ROS1: variants seen among roughly 807,000 people sequenced by gnomAD.
ROS1 encodes the protein proto-oncogene tyrosine-protein kinase ROS.
A neutral mutation model predicts 273.5 loss-of-function variants in ROS1; 263 were observed. The ratio of observed to expected loss-of-function variants is 0.96; its 90% CI spans 0.87 to 1.06. ROS1 has a LOEUF of 1.06. ROS1 is among the 50% of genes least tolerant of loss of function. ROS1 has a pLI of 0.00. For missense variants in ROS1, 2,833 were observed against 2,751.1 expected, an observed-to-expected ratio of 1.03 and a Z score of -0.67; for synonymous variants, 1,008 against 954.1, an observed-to-expected ratio of 1.06 and a Z score of -1.04.
chr6:117,335,868 G>A (rs1777423198), intron 32 of ROS1, among the ~76,000 whole-genome samples: 1 of 151,366 alleles, frequency 6.6e-6, no homozygotes, highest in Admixed American at 6.6e-5. Context: ...GAACTTAGAG[G>A]ACAGGTCAAT....
At chr6:117,406,967 A>G (rs1774456569) in intron 5 of ROS1, among the ~76,000 whole-genome samples, 1 of 152,102 alleles carries the variant, frequency 6.6e-6, no homozygotes, top group Non-Finnish European at 1.5e-5. Flanking sequence ...AAAATACTCC[A>G]TGGCTCCTCA....
chr6:117,395,598 A>G (rs1300928520), intron 9 of ROS1, among the ~76,000 whole-genome samples: 1 of 152,174 alleles, frequency 6.6e-6, no homozygotes, highest in African/African-American at 2.4e-5. Context: ...ACTTCTTAGA[A>G]AGCATTTTCA....
At chr6:117,292,183 G>T (rs947534821) in intron 43 of ROS1, among the ~76,000 whole-genome samples, 11 of 151,964 alleles carry the variant, frequency 7.2e-5, no homozygotes, top group Non-Finnish European at 1.0e-4. Context: ...TGTTAGCCAG[G>T]ATGGTCTCGA....
chr6:117,291,154 T>C (rs1401972628), intron 43 of ROS1, among the ~76,000 whole-genome samples: 2 of 152,176 alleles, frequency 1.3e-5, no homozygotes, highest in Non-Finnish European at 1.5e-5. Context: ...TCATTCCTTA[T>C]CTTCAGGATT....
intron 4 of ROS1, among the ~76,000 whole-genome samples, chr6:117,412,278 A>T (rs1359110724): frequency 6.6e-6 from 1 of 151,934 alleles, no homozygotes; most frequent in Admixed American, 6.6e-5. Context: ...ATCTATTTTG[A>T]CTATTTTATA....
intron 26 of ROS1, 29 bp from the exon 27 acceptor site, chr6:117,353,195 G>T (rs1348981462): frequency 1.4e-6 from 2 of 1,466,428 alleles, no homozygotes; most frequent in South Asian, 1.5e-5. Flanking sequence ...GGAATATAAA[G>T]AACAAAATTA....
chr6:117,325,871 A>G (rs1776591772), intron 34 of ROS1, among the ~76,000 whole-genome samples: 1 of 151,938 alleles, frequency 6.6e-6, no homozygotes, highest in African/African-American at 2.4e-5. Context: ...TGTATAATGT[A>G]GGAGTGGTCA....
rs1779164631 is a variant in ROS1, at chr6:117,354,790, T to C, written c.4127-1624A>G. Among the ~76,000 whole-genome samples the C allele has an allele frequency of 2.0e-5, 3 of 152,344 alleles. No homozygotes were observed. In the South Asian group the frequency reaches 6.2e-4, roughly 32 times the overall value. ...CAAATATTAAAGAAAAAAATTATTCTGACACTTGTTAAAATGGTAAGAAAG... is the reference window on the plus strand; with the variant it reads ...CAAATATTAAAGAAAAAAATTATTCCGACACTTGTTAAAATGGTAAGAAAG... On this transcript the variant is annotated intron_variant, in intron 26 of 43. Coordinates refer to ENST00000368507, the MANE Select transcript of ROS1 (RefSeq NM_001378902.1).
At chr6:117,297,114 C>T (rs1044959784) in intron 43 of ROS1, among the ~76,000 whole-genome samples, 1 of 152,100 alleles carries the variant, frequency 6.6e-6, no homozygotes, top group African/African-American at 2.4e-5. Context: ...AGAACACATA[C>T]TGGGGAGAAA....
intron 26 of ROS1, among the ~76,000 whole-genome samples, chr6:117,355,710 A>G (rs1197864593): frequency 6.6e-6 from 1 of 152,030 alleles, no homozygotes. Flanking sequence ...CCTGGGTTCA[A>G]GTGAGTCTTC....
At position 117,394,727 on chromosome 6, in the gene ROS1, C is replaced by T. The variant is rs371206741; in HGVS notation, c.895G>A (p.Glu299Lys). Reference protein sequence around the residue: ...TTSSSAVQQEEQWLFLSRKTS... With the variant: ...TTSSSAVQQEKQWLFLSRKTS... ...TTTCTGGATAAAAAGAGCCACTGTT[C>T]CTCTTGTTGAACTGAAAAAAACAAC... The change falls in exon 10 of 44, where the codon GAA becomes AAA. Residue 299 changes from glutamate (E) to lysine (K), a missense_variant. By Grantham distance (56) the Glu-to-Lys change is moderately conservative (BLOSUM62 1). Coordinates refer to ENST00000368507, the MANE Select transcript of ROS1 (RefSeq NM_001378902.1). The T allele has an allele frequency of 6.2e-7, 1 of 1,608,310 alleles. No homozygotes were observed. Among genetic ancestry groups the T allele is most frequent in the African/African-American group, 1.3e-5 (1 of 74,502 alleles).
chr6:117,332,632 C>A (rs901557374), intron 32 of ROS1, among the ~76,000 whole-genome samples: 1 of 152,090 alleles, frequency 6.6e-6, no homozygotes. Context: ...GAGCTGAAAT[C>A]ATAACAAACA....
At position 117,387,982 on chromosome 6, in the gene ROS1, G is replaced by A; in HGVS notation, c.1797C>T (p.Ala599=). ...TCACCTCATAGGTCCAGTTCTGCCA[G>A]GCAGAAGGGCCTAATTCAAAGAGTT... is the stretch of plus-strand genomic sequence containing the variant. ...PALAIGASPS[A]WQNWTYEVKV... is the part of the protein sequence containing the mutation. The change falls in exon 14 of 44, where the codon GCC becomes GCT. Residue 599 remains alanine (A), a synonymous_variant. Transcript: ENST00000368507. 1 of 1,614,166 alleles carries A rather than the reference G, an allele frequency of 6.2e-7. No individual in the cohort carries two copies. The highest frequency in any genetic ancestry group is 8.5e-7 in the Non-Finnish European group (1 of 1,179,980).
chr6:117,408,281 A>G (rs1228651209), intron 5 of ROS1, among the ~76,000 whole-genome samples: 2 of 151,170 alleles, frequency 1.3e-5, no homozygotes, highest in African/African-American at 4.9e-5. Flanking sequence ...CAGGCAACCT[A>G]CAGAATGGGA....
In ROS1 at chr6:117,364,700, G is replaced by A. The variant is rs576980095; in HGVS notation, c.3103+360C>T. 3.9e-5 allele frequency among the ~76,000 whole-genome samples: 6 copies of A among 152,270 alleles called. No individual in the cohort carries two copies. In the East Asian group the frequency reaches 1.2e-3, roughly 29 times the overall value. ...AGATATCAGTTATTCACCTACAGAA[G>A]ATTCTGAGTTCCCATCTATGAGAAC... On this transcript the variant is annotated intron_variant, in intron 21 of 43. Transcript: ENST00000368507.
At chr6:117,383,702 C>T (rs1316926624) in intron 16 of ROS1, among the ~76,000 whole-genome samples, 194 bp from the exon 17 acceptor site, 2 of 152,186 alleles carry the variant, frequency 1.3e-5, no homozygotes, top group Admixed American at 1.3e-4. Context: ...ATGGCACCTG[C>T]CCTCATGGGG....
intron 32 of ROS1, among the ~76,000 whole-genome samples, chr6:117,334,272 C>T (rs564240116): frequency 6.6e-5 from 10 of 151,976 alleles, no homozygotes; most frequent in African/African-American, 2.2e-4. Context: ...AAAATACCTA[C>T]GAATACAGCT....
chr6:117,391,985 T>C (rs987727741), intron 12 of ROS1, among the ~76,000 whole-genome samples: 24 of 152,190 alleles, frequency 1.6e-4, no homozygotes, highest in African/African-American at 5.8e-4. Context: ...TAAGCACAAA[T>C]CCATTTTATC....
intron 1 of ROS1, among the ~76,000 whole-genome samples, chr6:117,421,680 C>T (rs547133510): frequency 1.3e-5 from 2 of 152,226 alleles, no homozygotes; most frequent in East Asian, 3.9e-4. Flanking sequence ...GACACTTATA[C>T]TTCTTTTTTG....
Sources: gnomAD v4.1 joint callset for allele counts (sites outside exome capture counted in the v4.1 genomes callset) on GRCh38, gnomAD v4.1.1 for gene constraint, MANE v1.5 for transcripts, NCBI Gene and HGNC (gene_info 2026-07-23, HGNC 2026-07-21) for gene names.